ARPC1A: variants seen among roughly 807,000 people sequenced by gnomAD.
ARPC1A encodes actin-related protein 2/3 complex subunit 1A.
In ARPC1A, 8 loss-of-function variants were observed where a neutral mutation model predicts 46.9. That is an observed-to-expected ratio of 0.17 (90% CI 0.10 to 0.31). The LOEUF is 0.31. Among genes scored for constraint, ARPC1A ranks in the 10% least tolerant of loss-of-function variants. ARPC1A has a pLI of 1.00. For synonymous variants in ARPC1A, 152 were observed against 169.0 expected, an observed-to-expected ratio of 0.90 and a Z score of 0.78; for missense variants, 286 against 483.6, an observed-to-expected ratio of 0.59 and a Z score of 3.83.
At chr7:99,362,051 T>G (rs894307947) in intron 8 of ARPC1A, among the ~76,000 whole-genome samples, 4 of 152,072 alleles carry the variant, frequency 2.6e-5, no homozygotes, top group Non-Finnish European at 4.4e-5. Context: ...TCCCAGCACT[T>G]TGGGAGGCTG....
At chr7:99,363,253 C>G (rs752412476) in intron 8 of ARPC1A, among the ~76,000 whole-genome samples, 1 of 152,072 alleles carries the variant, frequency 6.6e-6, no homozygotes, top group Non-Finnish European at 1.5e-5. Flanking sequence ...GCCTAATGTT[C>G]ATGGATAAGT....
chr7:99,362,739 C>T (rs950846249), intron 8 of ARPC1A, among the ~76,000 whole-genome samples: 6 of 151,706 alleles, frequency 4.0e-5, no homozygotes, highest in East Asian at 3.9e-4. Context: ...GGGGAAGAGG[C>T]GGGTAAGTTC....
rs1176146383 is a variant in ARPC1A at position 99,338,241 on chromosome 7, G to T, written c.125G>T (p.Trp42Leu). The change falls in exon 3 of 10, where the codon TGG becomes TTG. Residue 42 changes from tryptophan (W) to leucine (L), a missense_variant. Trp to Leu is a moderately conservative substitution (Grantham distance 61, BLOSUM62 -2). Transcript: ENST00000262942. Reference sequence around the variant, plus strand: ...ATCTATAAGAAGAACGGGAGCCAGTGGGTGAAAGCTCATGAACTCAAGGAG... The same window carrying T: ...ATCTATAAGAAGAACGGGAGCCAGTTGGTGAAAGCTCATGAACTCAAGGAG... ...VHIYKKNGSQ[W>L]VKAHELKEHN... is the part of the protein sequence containing the mutation. 1 of 1,613,390 alleles carries T rather than the reference G, an allele frequency of 6.2e-7. No homozygotes were observed. The highest frequency in any genetic ancestry group is 1.7e-5 in the Admixed American group (1 of 59,922).
At chr7:99,363,831 T>C (rs1258109567) in intron 9 of ARPC1A, among the ~76,000 whole-genome samples, 198 bp downstream of exon 9, 2 of 152,038 alleles carry the variant, frequency 1.3e-5, no homozygotes, top group Non-Finnish European at 2.9e-5. Flanking sequence ...TGCACCACCA[T>C]GCTCCGTGAA....
At chr7:99,331,960 A>G (rs569714178) in intron 1 of ARPC1A, among the ~76,000 whole-genome samples, 1 of 152,176 alleles carries the variant, frequency 6.6e-6, no homozygotes, top group Admixed American at 6.5e-5. Context: ...CACTTATCAA[A>G]TTTGGTTTTC....
At chr7:99,342,662 T>G (rs1236658279) in intron 3 of ARPC1A, among the ~76,000 whole-genome samples, 1 of 151,850 alleles carries the variant, frequency 6.6e-6, no homozygotes, top group Middle Eastern at 3.2e-3. Flanking sequence ...TACAAAAAAT[T>G]GAGCTGATAT....
At chr7:99,353,570 T>C (rs1793582548) in intron 5 of ARPC1A, among the ~76,000 whole-genome samples, 2 of 151,942 alleles carry the variant, frequency 1.3e-5, no homozygotes, top group South Asian at 4.1e-4. Context: ...CTCTACCTCC[T>C]GGGTTTACGC....
chr7:99,358,486 C>G (rs1161056629), intron 7 of ARPC1A, 71 bp downstream of exon 7: 1 of 1,334,614 alleles, frequency 7.5e-7, no homozygotes, highest in Non-Finnish European at 1.1e-6. Context: ...AATGTGTGCT[C>G]TGTCACCCTA....
intron 3 of ARPC1A, among the ~76,000 whole-genome samples, chr7:99,343,735 T>C (rs1281194663): frequency 6.6e-6 from 1 of 152,190 alleles, no homozygotes; most frequent in African/African-American, 2.4e-5. Flanking sequence ...ACCTGCATCA[T>C]GTAGAAAAGG....
chr7:99,337,650 T>C (rs1267299059), intron 2 of ARPC1A, among the ~76,000 whole-genome samples: 1 of 152,160 alleles, frequency 6.6e-6, no homozygotes, highest in Non-Finnish European at 1.5e-5. Flanking sequence ...AACAAAGTAT[T>C]GTGATTTATA....
At chr7:99,357,842 C>T (rs992030173) in intron 6 of ARPC1A, among the ~76,000 whole-genome samples, 8 of 152,206 alleles carry the variant, frequency 5.3e-5, no homozygotes, top group Non-Finnish European at 1.2e-4. Context: ...ATCTTGGTAG[C>T]TCTAGCTCCT....
At chr7:99,344,235 G>A (rs375487934) in intron 3 of ARPC1A, 58 bp from the exon 4 acceptor site, 1 of 1,557,026 alleles carries the variant, frequency 6.4e-7, no homozygotes, top group African/African-American at 1.4e-5. Context: ...CCACCTGCCT[G>A]TGCCGCAGTT....
chr7:99,348,519 C>T (rs1793498705), intron 4 of ARPC1A, among the ~76,000 whole-genome samples: 2 of 152,240 alleles, frequency 1.3e-5, no homozygotes, highest in East Asian at 1.9e-4. Flanking sequence ...CCAGCCTGGG[C>T]AACATGGAGA....
chr7:99,340,679 A>G (rs1793344668), intron 3 of ARPC1A, among the ~76,000 whole-genome samples: 2 of 152,158 alleles, frequency 1.3e-5, no homozygotes, highest in South Asian at 2.1e-4. Context: ...GGACTCTGCA[A>G]TTTTACCTCT....
intron 5 of ARPC1A, among the ~76,000 whole-genome samples, chr7:99,349,217 A>AT (rs1280177315): frequency 6.6e-6 from 1 of 151,878 alleles, no homozygotes; most frequent in Non-Finnish European, 1.5e-5. Context: ...CACCTGGCTA[A>AT]TTTTTTTAAA....
intron 2 of ARPC1A, chr7:99,335,596 C>T (rs1003344613): frequency 7.0e-6 from 2 of 287,226 alleles, no homozygotes; most frequent in South Asian, 2.6e-5. Flanking sequence ...TTGTTAATTT[C>T]TTTTAAGACG....
chr7:99,353,826 T>G (rs1013026799), intron 5 of ARPC1A, 83 bp from the exon 6 acceptor site: 95 of 1,346,544 alleles, frequency 7.1e-5, no homozygotes, highest in Non-Finnish European at 9.2e-5. Context: ...ATTCTGAGAT[T>G]CCTTGTGGCA....
At position 99,356,041 on chromosome 7, in the gene ARPC1A, G is replaced by C. The variant is rs115651847; in HGVS notation, c.713+1920G>C. Among the ~76,000 whole-genome samples, 658 of 152,296 alleles carry C rather than the reference G, an allele frequency of 4.3e-3. 2 individuals carry two copies. Among genetic ancestry groups the C allele is most frequent in the African/African-American group, 0.015 (628 of 41,574 alleles). ...TTGTTCAGTATATGTTGGAGGAAGA[G>C]AGAAGATTGGAATCCTTCTTCTTTT... On this transcript the variant is annotated intron_variant, in intron 6 of 9. Transcript: ENST00000262942.
chr7:99,357,463 GA>G (rs1793658908), intron 6 of ARPC1A, among the ~76,000 whole-genome samples: 1 of 151,568 alleles, frequency 6.6e-6, no homozygotes. Flanking sequence ...TGGAGCCACA[GA>G]CGTGCACCAC....
Sources: allele counts gnomAD v4.1 joint callset (sites outside exome capture counted in the v4.1 genomes callset), GRCh38; gene constraint gnomAD v4.1.1; transcripts MANE v1.5; gene names NCBI Gene and HGNC (gene_info 2026-07-23, HGNC 2026-07-21).